SLIT2: variants seen among roughly 807,000 people sequenced by gnomAD.
SLIT2 encodes the protein slit homolog 2 protein.
Under a neutral mutation model 185.7 loss-of-function variants are expected in SLIT2, and 41 were observed. The ratio of observed to expected loss-of-function variants is 0.22; its 90% CI spans 0.17 to 0.29. The LOEUF is 0.29. Among genes scored for constraint, SLIT2 ranks in the 10% least tolerant of loss-of-function variants. SLIT2 has a pLI of 1.00. For synonymous variants in SLIT2, 693 were observed against 680.2 expected, an observed-to-expected ratio of 1.02 and a Z score of -0.29; for missense variants, 1,571 against 1,909.0, an observed-to-expected ratio of 0.82 and a Z score of 3.30.
chr4:20,575,641 T>A (rs1726025353), intron 29 of SLIT2, among the ~76,000 whole-genome samples: 1 of 152,122 alleles, frequency 6.6e-6, no homozygotes, highest in Admixed American at 6.5e-5. Flanking sequence ...TTCTTTTCTA[T>A]CTCACAATAG....
chr4:20,418,049 T>G lies in SLIT2; in HGVS notation c.396-49703T>G, dbSNP rs1727842431. ...TCTCTCCTATAGTAGAGTGTACCACTGGAAGAGGCAGAGACATTTTCTGTC... is the reference window on the plus strand; with the variant it reads ...TCTCTCCTATAGTAGAGTGTACCACGGGAAGAGGCAGAGACATTTTCTGTC... On this transcript the variant is annotated intron_variant, in intron 4 of 36. Coordinates refer to ENST00000504154, the MANE Select transcript of SLIT2 (RefSeq NM_004787.4). 2.6e-5 allele frequency among the ~76,000 whole-genome samples: 4 copies of G among 152,184 alleles called. No homozygotes were observed. In the South Asian group the frequency reaches 8.3e-4, roughly 32 times the overall value.
At chr4:20,439,917 C>T (rs1003606857) in intron 4 of SLIT2, among the ~76,000 whole-genome samples, 1 of 152,162 alleles carries the variant, frequency 6.6e-6, no homozygotes, top group African/African-American at 2.4e-5. Context: ...GAGTTAAGAC[C>T]TATTGACTTA....
chr4:20,356,550 C>T (rs948402875), intron 4 of SLIT2, among the ~76,000 whole-genome samples: 1 of 152,106 alleles, frequency 6.6e-6, no homozygotes, highest in Non-Finnish European at 1.5e-5. Context: ...GAAATAGTGT[C>T]CAATGCATTT....
chr4:20,354,511 G>A (rs1291293302), intron 4 of SLIT2, among the ~76,000 whole-genome samples: 2 of 152,162 alleles, frequency 1.3e-5, no homozygotes, highest in Non-Finnish European at 2.9e-5. Flanking sequence ...CAGGCACATT[G>A]TTAAGGGCAC....
At chr4:20,563,565 G>A (rs963777632) in intron 26 of SLIT2, among the ~76,000 whole-genome samples, 7 of 151,536 alleles carry the variant, frequency 4.6e-5, no homozygotes, top group Non-Finnish European at 1.0e-4. Context: ...TGTTGTACCC[G>A]GTGCCCACTT....
At chr4:20,467,508 G>C (rs1714488877) in intron 4 of SLIT2, among the ~76,000 whole-genome samples, 1 of 151,830 alleles carries the variant, frequency 6.6e-6, no homozygotes, top group Admixed American at 6.6e-5. Flanking sequence ...ATATTTTATA[G>C]TTTCTCATGA....
chr4:20,273,984 G>A (rs1046212857), intron 4 of SLIT2, among the ~76,000 whole-genome samples: 2 of 152,138 alleles, frequency 1.3e-5, no homozygotes, highest in African/African-American at 2.4e-5. Flanking sequence ...CAGCCAGACC[G>A]ACATCATTAC....
chr4:20,284,094 A>T (rs1715045281), intron 4 of SLIT2, among the ~76,000 whole-genome samples: 2 of 152,198 alleles, frequency 1.3e-5, no homozygotes, highest in Non-Finnish European at 1.5e-5. Context: ...CCAGAATTGG[A>T]ATCCTAGCTC....
At chr4:20,412,498 T>A (rs977892442) in intron 4 of SLIT2, among the ~76,000 whole-genome samples, 1 of 152,136 alleles carries the variant, frequency 6.6e-6, no homozygotes, top group African/African-American at 2.4e-5. Flanking sequence ...CCAAATTAAT[T>A]GTTTTGTATG....
chr4:20,356,494 A>G (rs1009236008), intron 4 of SLIT2, among the ~76,000 whole-genome samples: 1 of 152,210 alleles, frequency 6.6e-6, no homozygotes, highest in African/African-American at 2.4e-5. Flanking sequence ...ATTGACAACT[A>G]AGAAAAAAGT....
At position 20,480,656 on chromosome 4, in the gene SLIT2, A is replaced by T; in HGVS notation, c.468-60A>T. ...TCATAGACCCTTCAGGAAACTTCTC[A>T]TCACCTACCCCAGCTACTGTCCATC... On this transcript the variant is annotated intron_variant, in intron 5 of 36. Coordinates refer to ENST00000504154, the MANE Select transcript of SLIT2 (RefSeq NM_004787.4). 3.7e-6 allele frequency: 5 copies of T among 1,346,000 alleles called. No homozygotes were observed. In the South Asian group the frequency reaches 4.7e-5, roughly 13 times the overall value. The allele number at this position is 1,346,000 out of a possible 1,614,324, so 83.4% of individuals were successfully genotyped here.
At chr4:20,519,337 G>T (rs767889168) in intron 11 of SLIT2, 45 bp from the exon 12 acceptor site, 3 of 926,944 alleles carry the variant, frequency 3.2e-6, no homozygotes, top group Admixed American at 3.5e-5. Context: ...AATTTGTTAT[G>T]CAGGTTTGGT....
In SLIT2 at chr4:20,346,573, A is replaced by G. The variant is rs183705096; in HGVS notation, c.395+77692A>G. The stretch of plus-strand genomic sequence containing the variant: ...ACTAATAGCATATATGGATATATGA[A>G]AGGGAGTTTATTAAGGAGAAGTGAC... On this transcript the variant is annotated intron_variant, in intron 4 of 36. Transcript: ENST00000504154. Among the ~76,000 whole-genome samples the G allele has an allele frequency of 1.4e-3, 218 of 152,298 alleles. 2 individuals carry two copies. Among genetic ancestry groups the G allele is most frequent in the Non-Finnish European group, 1.5e-3 (103 of 68,018 alleles).
chr4:20,338,266 G>A (rs1720671892), intron 4 of SLIT2, among the ~76,000 whole-genome samples: 1 of 152,174 alleles, frequency 6.6e-6, no homozygotes, highest in Non-Finnish European at 1.5e-5. Flanking sequence ...GCTGAACAGG[G>A]ACATGTGCTA....
intron 9 of SLIT2, among the ~76,000 whole-genome samples, chr4:20,500,509 C>A (rs752597057): frequency 3.9e-5 from 6 of 151,910 alleles, no homozygotes; most frequent in Non-Finnish European, 8.8e-5. Context: ...TTCAGGCAAG[C>A]TAATATGAAA....
At chr4:20,291,494 T>TATATA (rs1716156603) in intron 4 of SLIT2, among the ~76,000 whole-genome samples, 1 of 16,558 alleles carries the variant, frequency 6.0e-5, no homozygotes, top group African/African-American at 3.0e-4. Flanking sequence ...ATATATATAT[T>TATATA]TTTTTTTTTT....
chr4:20,329,291 T>G (rs1719868355), intron 4 of SLIT2, among the ~76,000 whole-genome samples: 1 of 151,948 alleles, frequency 6.6e-6, no homozygotes, highest in Admixed American at 6.6e-5. Context: ...TAAATAAACA[T>G]TATAACTTAA....
At chr4:20,286,245 G>A (rs745810440) in intron 4 of SLIT2, among the ~76,000 whole-genome samples, 1 of 152,048 alleles carries the variant, frequency 6.6e-6, no homozygotes, top group Non-Finnish European at 1.5e-5. Flanking sequence ...ATCGTTAATT[G>A]TGCATAGGTG....
intron 30 of SLIT2, among the ~76,000 whole-genome samples, chr4:20,591,270 C>T (rs1360520500): frequency 1.3e-5 from 2 of 152,158 alleles, no homozygotes; most frequent in African/African-American, 4.8e-5. Flanking sequence ...GGAATTTGAG[C>T]TGGATTGCTA....
Sources: gnomAD v4.1 joint callset for allele counts (sites outside exome capture counted in the v4.1 genomes callset) on GRCh38, gnomAD v4.1.1 for gene constraint, MANE v1.5 for transcripts, NCBI Gene and HGNC (gene_info 2026-07-23, HGNC 2026-07-21) for gene names.